Variants in YEATS2 observed in about 807,000 individuals in gnomAD.
The protein encoded by YEATS2 is YEATS domain containing 2, also known as YEATS domain-containing protein 2.
A neutral mutation model predicts 163.2 loss-of-function variants in YEATS2; 77 were observed. The observed-to-expected ratio is 0.47, with a 90% confidence interval of 0.39 to 0.57. YEATS2 has a LOEUF of 0.57. Ranked by LOEUF, YEATS2 falls within the 20% of genes least tolerant of loss-of-function variation. The pLI is 0.00. For missense variants in YEATS2, 1,549 were observed against 1,729.8 expected, an observed-to-expected ratio of 0.90 and a Z score of 1.85; for synonymous variants, 631 against 645.1, an observed-to-expected ratio of 0.98 and a Z score of 0.33.
intron 8 of YEATS2, 38 bp from the exon 9 acceptor site, chr3:183,747,634 C>T: frequency 5.7e-6 from 9 of 1,571,150 alleles, no homozygotes; most frequent in Non-Finnish European, 7.9e-6. Flanking sequence ...TAAGTAAGTG[C>T]AGTGAAATTT....
At chr3:183,716,805 C>G (rs544888460) in intron 2 of YEATS2, among the ~76,000 whole-genome samples, 1 of 152,128 alleles carries the variant, frequency 6.6e-6, no homozygotes, top group Non-Finnish European at 1.5e-5. Flanking sequence ...TTCTTGGTGT[C>G]CATGCTCTAC....
At chr3:183,769,103 T>C (rs1382194697) in intron 15 of YEATS2, among the ~76,000 whole-genome samples, 2 of 152,240 alleles carry the variant, frequency 1.3e-5, no homozygotes, top group African/African-American at 4.8e-5. Context: ...TCTTTTATTC[T>C]GTTTCTTCTT....
At chr3:183,728,182 A>G (rs1209859724) in intron 6 of YEATS2, among the ~76,000 whole-genome samples, 2 of 152,144 alleles carry the variant, frequency 1.3e-5, no homozygotes, top group African/African-American at 4.8e-5. Context: ...CTCCCACCTC[A>G]TCAGCCTCCC....
intron 16 of YEATS2, 85 bp downstream of exon 16, chr3:183,772,648 C>G: frequency 1.9e-6 from 3 of 1,546,436 alleles, no homozygotes; most frequent in South Asian, 1.2e-5. Context: ...GCTATTTGAT[C>G]TGGTCTAGGA....
rs188207003 is a variant in YEATS2 at position 183,752,348 on chromosome 3, G to C, written c.1150+95G>C. ...CCTATAGTATATGGAAAATAACTTT[G>C]CTATAAGTGGACATGCTGCCTCTAC... On this transcript the variant is annotated intron_variant, in intron 10 of 30. Coordinates refer to ENST00000305135, the MANE Select transcript of YEATS2 (RefSeq NM_018023.5). 4.9e-6 allele frequency: 7 copies of C among 1,439,810 alleles called. No individual in the cohort carries two copies. The African/African-American group carries it at 8.4e-5, about 17-fold the overall frequency. The allele number at this position is 1,439,810 out of a possible 1,614,324, so 89.2% of individuals were successfully genotyped here. A position where few individuals can be genotyped will look rare whatever the true frequency, so the allele number is the denominator to read the frequency against.
Position 183,736,803 on chromosome 3 carries a change from C to A in YEATS2, c.898C>A (p.Arg300=). The part of the protein sequence containing the change: ...QVHFKDSQNK[R]IDIIHNLKLD... ...TCATTTTAAGGACAGCCAGAACAAG[C>A]GGATAGATATCATACATAATCTGAA... Residue 300 remains arginine (R), a synonymous_variant, in exon 8 of 31, where the codon CGG becomes AGG. Coordinates refer to ENST00000305135, the MANE Select transcript of YEATS2 (RefSeq NM_018023.5). 1 of 1,613,604 alleles carries A rather than the reference C, an allele frequency of 6.2e-7. No individual in the cohort carries two copies. Among genetic ancestry groups the A allele is most frequent in the Non-Finnish European group, 8.5e-7 (1 of 1,179,752 alleles).
chr3:183,721,476 T>A (rs189470420), intron 4 of YEATS2, among the ~76,000 whole-genome samples: 50 of 152,324 alleles, frequency 3.3e-4, no homozygotes, highest in African/African-American at 1.2e-3. Context: ...CTCTATTACA[T>A]TTTACTCTTA....
Position 183,773,763 on chromosome 3 carries a change from A to G in YEATS2, c.2337A>G (p.Gln779=). 2 of 1,612,152 alleles carry G rather than the reference A, an allele frequency of 1.2e-6. No homozygotes were observed. The highest frequency in any genetic ancestry group is 1.7e-6 in the Non-Finnish European group (2 of 1,179,462). ...SGKGKLLLIP[Q]GAILRATNNA... ...AAGGAAAACTGCTGCTGATCCCTCA[A>G]GGAGCCATCCTGCGAGCTACGAACA... The change falls in exon 17 of 31, where the codon CAA becomes CAG. Residue 779 remains glutamine, a synonymous_variant. Transcript: ENST00000305135.
chr3:183,785,467 C>T lies in YEATS2; in HGVS notation c.2737-658C>T, dbSNP rs182745982. 7.3e-3 allele frequency among the ~76,000 whole-genome samples: 1,040 copies of T among 143,140 alleles called. 6 individuals are homozygous for T. Among genetic ancestry groups the T allele is most frequent in the African/African-American group, 0.025 (970 of 38,308 alleles). 93.9% of individuals were successfully genotyped at this position (143,140 alleles called of 152,430 possible). On this transcript the variant is annotated intron_variant, in intron 19 of 30. Transcript: ENST00000305135. Reference sequence around the variant, plus strand: ...TTGCGCCACTGCACTCCAGCCTGGGCGACAGAGCGAGACTCTGTCTCAAAA... The same window carrying T: ...TTGCGCCACTGCACTCCAGCCTGGGTGACAGAGCGAGACTCTGTCTCAAAA...
At position 183,717,714 on chromosome 3, in the gene YEATS2, A is replaced by T; in HGVS notation, c.164A>T (p.Lys55Met). The T allele has an allele frequency of 6.4e-7, 1 of 1,565,552 alleles. No homozygotes were observed. The highest frequency in any genetic ancestry group is 8.6e-7 in the Non-Finnish European group (1 of 1,163,258). Residue 55 changes from lysine to methionine, a missense_variant, in exon 3 of 31, where the codon AAG becomes ATG. By Grantham distance (95) the Lys-to-Met change is moderately conservative. Transcript: ENST00000305135. ...IIKEQFALEM[K>M]NKEHEIEVID... ...AAAGAACAGTTTGCTCTTGAAATGAAGAATAAGGAACATGAAATTGAAGTC... is the reference window on the plus strand; with the variant it reads ...AAAGAACAGTTTGCTCTTGAAATGATGAATAAGGAACATGAAATTGAAGTC...
At chr3:183,804,437 C>T (rs1453381106) in intron 27 of YEATS2, among the ~76,000 whole-genome samples, 2 of 152,228 alleles carry the variant, frequency 1.3e-5, no homozygotes, top group African/African-American at 4.8e-5. Flanking sequence ...TCAGGAGTCC[C>T]TGCTCAGCAT....
At chr3:183,744,230 A>G (rs1194192033) in intron 8 of YEATS2, among the ~76,000 whole-genome samples, 2 of 140,690 alleles carry the variant, frequency 1.4e-5, no homozygotes, top group Non-Finnish European at 3.0e-5. Context: ...CTTCTGCCTC[A>G]CCCTCCCAGT....
At chr3:183,746,940 C>T (rs1203870947) in intron 8 of YEATS2, among the ~76,000 whole-genome samples, 1 of 151,816 alleles carries the variant, frequency 6.6e-6, no homozygotes, top group Non-Finnish European at 1.5e-5. Context: ...AATACTTTTC[C>T]CTGTTAATCT....
chr3:183,713,452 A>G (rs1715478622), intron 1 of YEATS2, among the ~76,000 whole-genome samples: 1 of 152,024 alleles, frequency 6.6e-6, no homozygotes, highest in Non-Finnish European at 1.5e-5. Context: ...AATCTTAGCT[A>G]CTCAGGAGGC....
intron 21 of YEATS2, chr3:183,793,098 T>C: frequency 8.0e-7 from 1 of 1,255,862 alleles, no homozygotes; most frequent in Non-Finnish European, 1.0e-6. Flanking sequence ...TTCTAAATAC[T>C]GTATTATCTT....
chr3:183,702,040 C>T (rs998406058), intron 1 of YEATS2, among the ~76,000 whole-genome samples: 3 of 152,184 alleles, frequency 2.0e-5, no homozygotes, highest in African/African-American at 4.8e-5. Flanking sequence ...CTCCGCTTAC[C>T]GAAATGCTCT....
At chr3:183,760,433 C>T (rs563416361) in intron 13 of YEATS2, among the ~76,000 whole-genome samples, 15 of 148,994 alleles carry the variant, frequency 1.0e-4, no homozygotes, top group Admixed American at 3.4e-4. Context: ...AGCGATTCTG[C>T]GGTCTCAGTC....
At chr3:183,801,787 G>A (rs1725686761) in intron 25 of YEATS2, 2 of 347,426 alleles carry the variant, frequency 5.8e-6, no homozygotes, top group South Asian at 4.0e-5. Context: ...TTTGTATGCA[G>A]TTAAAACTCT....
At chr3:183,702,041 G>A (rs901046966) in intron 1 of YEATS2, among the ~76,000 whole-genome samples, 1 of 152,160 alleles carries the variant, frequency 6.6e-6, no homozygotes, top group African/African-American at 2.4e-5. Context: ...TCCGCTTACC[G>A]AAATGCTCTT....
Sources: gnomAD v4.1 joint callset for allele counts (sites outside exome capture counted in the v4.1 genomes callset) on GRCh38, gnomAD v4.1.1 for gene constraint, MANE v1.5 for transcripts, NCBI Gene and HGNC (gene_info 2026-07-23, HGNC 2026-07-21) for gene names.